CCDC178: variants seen among roughly 807,000 people sequenced by gnomAD.
CCDC178 encodes coiled-coil domain containing 178.
A neutral mutation model predicts 117.4 loss-of-function variants in CCDC178; 126 were observed. That is an observed-to-expected ratio of 1.07 (90% CI 0.93 to 1.24). CCDC178 has a LOEUF of 1.24. CCDC178 is among the 50% of genes most tolerant of loss of function. The pLI is 0.00. For synonymous variants in CCDC178, 283 were observed against 313.4 expected, an observed-to-expected ratio of 0.90 and a Z score of 1.02; for missense variants, 1,030 against 986.9, an observed-to-expected ratio of 1.04 and a Z score of -0.59.
At chr18:33,110,154 T>C (rs2057761375) in intron 20 of CCDC178, among the ~76,000 whole-genome samples, 1 of 151,722 alleles carries the variant, frequency 6.6e-6, no homozygotes, top group East Asian at 1.9e-4. Context: ...ATTTATCATG[T>C]TGAGCACAAT....
At chr18:32,994,908 A>T (rs1378557180) in intron 21 of CCDC178, among the ~76,000 whole-genome samples, 4 of 152,232 alleles carry the variant, frequency 2.6e-5, no homozygotes, top group Non-Finnish European at 5.9e-5. Context: ...CAGTATTTCT[A>T]AGGTGACTAA....
At chr18:33,333,468 T>G in intron 9 of CCDC178, 74 bp from the exon 10 acceptor site, 1 of 603,754 alleles carries the variant, frequency 1.7e-6, no homozygotes, top group Non-Finnish European at 2.6e-6. Context: ...ATATAAAACA[T>G]TTTAATTTCA....
chr18:33,182,644 GT>G (rs1040522202), intron 20 of CCDC178, among the ~76,000 whole-genome samples: 25 of 151,880 alleles, frequency 1.6e-4, no homozygotes, highest in African/African-American at 5.8e-4. Context: ...TGTATGCATA[GT>G]CTCTCACTAT....
At chr18:33,362,278 T>A (rs1157256536) in intron 6 of CCDC178, among the ~76,000 whole-genome samples, 1 of 151,616 alleles carries the variant, frequency 6.6e-6, no homozygotes, top group Non-Finnish European at 1.5e-5. Context: ...GAAGACATTA[T>A]ACTAAAGGAA....
At chr18:33,143,797 C>T (rs1024167530) in intron 20 of CCDC178, among the ~76,000 whole-genome samples, 1 of 152,042 alleles carries the variant, frequency 6.6e-6, no homozygotes, top group African/African-American at 2.4e-5. Flanking sequence ...ACATGTTTAT[C>T]AGAATTTCTT....
Position 33,054,423 on chromosome 18 carries a change from C to G in CCDC178, c.2388+38338G>C, listed in dbSNP as rs374022763. 3.9e-5 allele frequency among the ~76,000 whole-genome samples: 6 copies of G among 152,208 alleles called. No homozygotes were observed. The East Asian group carries it at 1.2e-3, about 29-fold the overall frequency. On this transcript the variant is annotated intron_variant, in intron 21 of 22. Transcript: ENST00000383096. ...GTTATTCTTCTTGATGCTCTACCTG[C>G]CCCCCATACCCCAACAGGCTGCACT... is the stretch of plus-strand genomic sequence containing the variant.
intron 9 of CCDC178, among the ~76,000 whole-genome samples, chr18:33,335,890 A>G (rs1002070911): frequency 1.3e-5 from 2 of 152,038 alleles, no homozygotes; most frequent in African/African-American, 4.8e-5. Context: ...GTTTTATGAT[A>G]TTTAATATTG....
intron 20 of CCDC178, among the ~76,000 whole-genome samples, chr18:33,208,822 G>A (rs377031745): frequency 1.8e-4 from 28 of 151,864 alleles, no homozygotes; most frequent in African/African-American, 6.8e-4. Flanking sequence ...GGTATTTCCT[G>A]AGAGTAGAAA....
chr18:33,268,686 T>C (rs1275426190), intron 12 of CCDC178, among the ~76,000 whole-genome samples: 3 of 151,478 alleles, frequency 2.0e-5, no homozygotes, highest in East Asian at 1.9e-4. Flanking sequence ...AAGACGACCA[T>C]GAAAAAAATG....
intron 22 of CCDC178, chr18:32,957,923 G>A (rs964348492): frequency 4.9e-6 from 1 of 204,706 alleles, no homozygotes; most frequent in Non-Finnish European, 9.7e-6. Flanking sequence ...AAGCTTCTGT[G>A]GCCCCAAACT....
intron 14 of CCDC178, among the ~76,000 whole-genome samples, chr18:33,245,811 A>G (rs532249630): frequency 1.3e-5 from 2 of 152,110 alleles, no homozygotes; most frequent in South Asian, 4.1e-4. Flanking sequence ...AAACCAAAGC[A>G]TATACAAGAG....
chr18:33,238,980 G>C (rs1479129432), intron 15 of CCDC178, among the ~76,000 whole-genome samples: 1 of 151,864 alleles, frequency 6.6e-6, no homozygotes, highest in Admixed American at 6.6e-5. Context: ...ATATTTAAAA[G>C]GCTTAAAAAA....
At chr18:33,308,453 G>GT (rs1247337340) in intron 11 of CCDC178, among the ~76,000 whole-genome samples, 2 of 152,160 alleles carry the variant, frequency 1.3e-5, no homozygotes, top group Non-Finnish European at 2.9e-5. Flanking sequence ...GATTTTACAG[G>GT]TTCATGGGCA....
At chr18:33,326,083 C>T (rs948894715) in intron 10 of CCDC178, among the ~76,000 whole-genome samples, 1 of 152,204 alleles carries the variant, frequency 6.6e-6, no homozygotes, top group African/African-American at 2.4e-5. Context: ...AATTCTGTTA[C>T]AGCTCCAAAG....
chr18:32,951,838 G>A (rs942719918), intron 22 of CCDC178, among the ~76,000 whole-genome samples: 10 of 152,290 alleles, frequency 6.6e-5, no homozygotes, highest in African/African-American at 2.4e-4. Flanking sequence ...ATACAATGGG[G>A]GTACAGGCAT....
chr18:33,110,970 C>T (rs957052602), intron 20 of CCDC178, among the ~76,000 whole-genome samples: 4 of 151,522 alleles, frequency 2.6e-5, no homozygotes, highest in Non-Finnish European at 5.9e-5. Context: ...CACATATAAA[C>T]CAACTTGGGG....
At chr18:33,067,834 AAAAT>A (rs1276473887) in intron 21 of CCDC178, among the ~76,000 whole-genome samples, 1 of 152,132 alleles carries the variant, frequency 6.6e-6, no homozygotes, top group Non-Finnish European at 1.5e-5. Context: ...CTCTGTCTCA[AAAAT>A]AAATAAATAA....
chr18:33,430,178 A>C (rs1160437955), intron 2 of CCDC178, among the ~76,000 whole-genome samples: 1 of 152,234 alleles, frequency 6.6e-6, no homozygotes, highest in Non-Finnish European at 1.5e-5. Flanking sequence ...AAATAAAAGT[A>C]AGCCTCTGAC....
chr18:33,019,601 C>T (rs945818812), intron 21 of CCDC178, among the ~76,000 whole-genome samples: 1 of 152,082 alleles, frequency 6.6e-6, no homozygotes, highest in African/African-American at 2.4e-5. Flanking sequence ...ATTTATTGAG[C>T]TCTTATACCA....
Sources: allele counts gnomAD v4.1 joint callset (sites outside exome capture counted in the v4.1 genomes callset), GRCh38; gene constraint gnomAD v4.1.1; transcripts MANE v1.5; gene names NCBI Gene and HGNC (gene_info 2026-07-23, HGNC 2026-07-21).